Variants in PABIR2 observed in about 807,000 individuals in gnomAD.
PABIR2 encodes the protein family with sequence similarity 122B.
PABIR2 carries 7 observed loss-of-function variants against 22.8 expected under a neutral mutation model. The observed-to-expected ratio is 0.31, with a 90% confidence interval of 0.17 to 0.58. The LOEUF (loss-of-function observed/expected upper bound fraction) is 0.58. Among genes scored for constraint, PABIR2 ranks in the 20% least tolerant of loss-of-function variants. The pLI, the probability that PABIR2 is intolerant of heterozygous loss-of-function variation, is 0.89. For synonymous variants in PABIR2, 67 were observed against 73.8 expected (o/e 0.91, Z 0.47); for missense variants, 155 against 205.1 (o/e 0.76, Z 1.49).
rs760667614 is a variant in PABIR2, at chrX:134,789,329, A to G, written c.235-63T>C. 5.1e-5 allele frequency: 59 copies of G among 1,162,112 alleles called. 1 individual carries two copies. The South Asian group carries it at 1.0e-3, about 20-fold the overall frequency. ...ACTGACAAAATATTAACTCTTCCACACACTGCAATTTTTATCCACATAGTT... is the reference window on the plus strand; with the variant it reads ...ACTGACAAAATATTAACTCTTCCACGCACTGCAATTTTTATCCACATAGTT... On this transcript the variant is annotated intron_variant, in intron 3 of 9. Transcript: ENST00000343004.
intron 9 of PABIR2, among the ~76,000 whole-genome samples, chrX:134,774,421 A>T (rs557792829): frequency 2.7e-5 from 3 of 111,844 alleles, no homozygotes; most frequent in African/African-American, 9.7e-5. Context: ...TTAGATTAAA[A>T]CTTGGCCACC....
chrX:134,784,039 C>A (rs772991711), intron 8 of PABIR2, among the ~76,000 whole-genome samples: 1 of 106,621 alleles, frequency 9.4e-6, no homozygotes, highest in East Asian at 2.9e-4. Context: ...TGAGATTGCA[C>A]CACTGCACTC....
rs188678773 is a variant in PABIR2 at position 134,770,817 on chromosome X, C to A, written c.*1322G>T. On this transcript the variant is annotated 3_prime_UTR_variant, in exon 10 of 10. Transcript: ENST00000343004. ...AAATTAAATAACTTATGGTACCTCA[C>A]ACTTATAGCACATACACAGTTCATA... The A allele has an allele frequency of 8.8e-6, 1 of 113,036 alleles. No homozygotes were observed. Among genetic ancestry groups the A allele is most frequent in the African/African-American group, 3.2e-5 (1 of 31,072 alleles). 9.3% of individuals were successfully genotyped at this position (113,036 alleles called of 1,213,427 possible). A position where few individuals can be genotyped will look rare whatever the true frequency, so the allele number is the denominator to read the frequency against.
Position 134,771,853 on chromosome X carries a change from T to C in PABIR2, c.*286A>G, listed in dbSNP as rs145818423. 428 of 882,223 alleles carry C rather than the reference T, an allele frequency of 4.9e-4. 6 individuals are homozygous for C. In the East Asian group the frequency reaches 0.019, roughly 40 times the overall value. The allele number at this position is 882,223 out of a possible 1,213,427, so 72.7% of individuals were successfully genotyped here. ...AAATGTATAGACTCAAAATAGGTGTTTTTTGAGGCACTAAGAAAAAAGATT... is the reference window on the plus strand; with the variant it reads ...AAATGTATAGACTCAAAATAGGTGTCTTTTGAGGCACTAAGAAAAAAGATT... On this transcript the variant is annotated 3_prime_UTR_variant, in exon 10 of 10. Transcript: ENST00000343004.
intron 9 of PABIR2, among the ~76,000 whole-genome samples, chrX:134,775,066 T>C: frequency 8.9e-6 from 1 of 112,447 alleles, no homozygotes. Context: ...TAAGCTCTGA[T>C]GGAAGTGCTA....
intron 8 of PABIR2, among the ~76,000 whole-genome samples, chrX:134,784,080 CAAA>C (rs760399864): frequency 1.4e-4 from 7 of 48,371 alleles, no homozygotes; most frequent in African/African-American, 7.4e-5. Flanking sequence ...GACCTTGCCT[CAAA>C]AAAAAAAAAA....
intron 9 of PABIR2, among the ~76,000 whole-genome samples, chrX:134,775,346 G>A (rs929869828): frequency 2.8e-5 from 3 of 108,978 alleles, no homozygotes; most frequent in African/African-American, 1.0e-4. Flanking sequence ...GCGAAACCCC[G>A]TCTCTACTAA....
intron 8 of PABIR2, among the ~76,000 whole-genome samples, chrX:134,784,526 T>C (rs1406305762): frequency 9.2e-6 from 1 of 108,404 alleles, no homozygotes; most frequent in Non-Finnish European, 1.9e-5. Flanking sequence ...GGTCTCACTC[T>C]GTGGCCCAGG....
chrX:134,779,514 G>C (rs766494829), intron 9 of PABIR2, among the ~76,000 whole-genome samples: 1 of 112,049 alleles, frequency 8.9e-6, no homozygotes, highest in Non-Finnish European at 1.9e-5. Flanking sequence ...CTACAGGGTA[G>C]GGGAGTAGTG....
rs1380944452 is a variant in PABIR2 at position 134,770,243 on chromosome X, G to C, written c.*1896C>G. ...ATTTTGACATGATCTTTTACAAACA[G>C]AATAGATACACTGCATACCATCGAA... On this transcript the variant is annotated 3_prime_UTR_variant, in exon 10 of 10. Coordinates refer to ENST00000343004, the MANE Select transcript of PABIR2 (RefSeq NM_001387468.1). The C allele has an allele frequency of 8.9e-6, 1 of 112,008 alleles. No individual in the cohort carries two copies. The highest frequency in any genetic ancestry group is 1.9e-5 in the Non-Finnish European group (1 of 53,100). 9.2% of individuals were successfully genotyped at this position (112,008 alleles called of 1,213,427 possible).
intron 9 of PABIR2, among the ~76,000 whole-genome samples, chrX:134,781,355 G>C (rs953133610): frequency 1.8e-5 from 2 of 112,480 alleles, no homozygotes; most frequent in East Asian, 5.5e-4. Flanking sequence ...CTGGGGGGCA[G>C]AAAGCATAAT....
chrX:134,796,481 G>A lies in PABIR2; in HGVS notation c.-276C>T. On this transcript the variant is annotated 5_prime_UTR_variant, in exon 1 of 10. Coordinates refer to ENST00000343004, the MANE Select transcript of PABIR2 (RefSeq NM_001387468.1). ...GGAAGGTGACAGAATGAAGGAAAAG[G>A]ATGAAGGAAAGAAGGATGGAGGGAA... is the stretch of plus-strand genomic sequence containing the variant. 1 of 308,271 alleles carries A rather than the reference G, an allele frequency of 3.2e-6. No individual in the cohort carries two copies. Among genetic ancestry groups the A allele is most frequent in the East Asian group, 5.5e-5 (1 of 18,229 alleles). The allele number at this position is 308,271 out of a possible 1,213,427, so 25.4% of individuals were successfully genotyped here.
At chrX:134,787,851 C>T (rs2079386985) in intron 6 of PABIR2, among the ~76,000 whole-genome samples, 1 of 104,517 alleles carries the variant, frequency 9.6e-6, no homozygotes, top group South Asian at 4.2e-4. Flanking sequence ...AGGCTGCTCT[C>T]GACCTCCTGA....
chrX:134,787,399 C>T (rs1219797257), intron 7 of PABIR2, 73 bp downstream of exon 7: 1 of 1,075,311 alleles, frequency 9.3e-7, no homozygotes, highest in African/African-American at 1.9e-5. Flanking sequence ...TGCGCCCAGC[C>T]ACAAAAAGCT....
In PABIR2 at chrX:134,774,882, A is replaced by T. The variant is rs960995708; in HGVS notation, c.660-2599T>A. ...TGGAAGCAGAGACTTCACGTCACAAATCACTCATTGTTATTCTATCCATGT... is the reference window on the plus strand; with the variant it reads ...TGGAAGCAGAGACTTCACGTCACAATTCACTCATTGTTATTCTATCCATGT... On this transcript the variant is annotated intron_variant, in intron 9 of 9. Coordinates refer to ENST00000343004, the MANE Select transcript of PABIR2 (RefSeq NM_001387468.1). Among the ~76,000 whole-genome samples the T allele has an allele frequency of 3.6e-5, 4 of 112,051 alleles. No homozygotes were observed. In the Admixed American group the frequency reaches 3.8e-4, roughly 11 times the overall value.
At chrX:134,784,751 T>C (rs1455599606) in intron 8 of PABIR2, among the ~76,000 whole-genome samples, 1 of 111,534 alleles carries the variant, frequency 9.0e-6, no homozygotes, top group Non-Finnish European at 1.9e-5. Flanking sequence ...AGTGCTGGTA[T>C]TACAGACCTG....
Position 134,793,645 on chromosome X carries a change from CT to C in PABIR2, c.177+169del, listed in dbSNP as rs752070556. ...AAAGAAAAATTTTTAACCATGTATC[CT>C]TTTGGTACCAAAAGCTGAATGGCCA... On this transcript the variant is annotated intron_variant, in intron 2 of 9. Transcript: ENST00000343004. The C allele has an allele frequency of 6.7e-5, 41 of 616,456 alleles. No homozygotes were observed. The South Asian group carries it at 9.5e-4, about 14-fold the overall frequency. 50.8% of individuals were successfully genotyped at this position (616,456 alleles called of 1,213,427 possible).
At chrX:134,780,203 A>G (rs2079119025) in intron 9 of PABIR2, among the ~76,000 whole-genome samples, 1 of 112,953 alleles carries the variant, frequency 8.9e-6, no homozygotes, top group Non-Finnish European at 1.9e-5. Flanking sequence ...CTTATAGCTT[A>G]TAAGTGGCTT....
At chrX:134,794,010 GCTCCTCATTTCATACAGAGA>G in intron 1 of PABIR2, 117 bp from the exon 2 acceptor site, 1 of 1,110,131 alleles carries the variant, frequency 9.0e-7, no homozygotes, top group Non-Finnish European at 1.2e-6. Context: ...ATCTTCCATG[GCTCCTCATTTCATACAGAGA>G]ATGAACTCCT....
Sources: allele counts gnomAD v4.1 joint callset (sites outside exome capture counted in the v4.1 genomes callset), GRCh38; gene constraint gnomAD v4.1.1; transcripts MANE v1.5; gene names NCBI Gene and HGNC (gene_info 2026-07-23, HGNC 2026-07-21).